GABRA1: variants seen among roughly 807,000 people sequenced by gnomAD.
GABRA1 encodes gamma-aminobutyric acid receptor subunit alpha-1.
A neutral mutation model predicts 48.9 loss-of-function variants in GABRA1; 9 were observed. The ratio of observed to expected loss-of-function variants is 0.18; its 90% CI spans 0.11 to 0.32. The LOEUF is 0.32. Ranked by LOEUF, GABRA1 falls within the 10% of genes least tolerant of loss-of-function variation. The probability of loss-of-function intolerance (pLI) is 1.00; values close to 1 mark genes in which losing one functional copy is unlikely to be tolerated. For synonymous variants in GABRA1, 210 were observed against 198.7 expected (o/e 1.06, Z -0.48); for missense variants, 285 against 553.8 (o/e 0.51, Z 4.87).
chr5:161,860,138 C>T (rs1191066699), intron 3 of GABRA1, among the ~76,000 whole-genome samples: 1 of 151,802 alleles, frequency 6.6e-6, no homozygotes, highest in Non-Finnish European at 1.5e-5. Flanking sequence ...ACAGAGAATA[C>T]CTTTTAACAT....
intron 3 of GABRA1, among the ~76,000 whole-genome samples, chr5:161,857,234 T>A (rs1186803138): frequency 2.6e-5 from 4 of 151,426 alleles, no homozygotes; most frequent in Admixed American, 2.6e-4. Flanking sequence ...TCTTTTTTTA[T>A]ATAAAAGTAA....
In GABRA1 at chr5:161,880,057, C is replaced by G. The variant is rs141481014; in HGVS notation, c.560-2501C>G. On this transcript the variant is annotated intron_variant, in intron 6 of 9. Coordinates refer to ENST00000393943, the MANE Select transcript of GABRA1 (RefSeq NM_001127644.2). The stretch of plus-strand genomic sequence containing the variant: ...CTTTGCTTGGCTTATGCAAACCTAT[C>G]TAATATACAGTTTTGCCTAGAAAAA... Among the ~76,000 whole-genome samples, 369 of 152,310 alleles carry G rather than the reference C, an allele frequency of 2.4e-3. 3 individuals carry two copies. Among genetic ancestry groups the G allele is most frequent in the African/African-American group, 8.3e-3 (344 of 41,586 alleles).
intron 3 of GABRA1, 40 bp downstream of exon 3, chr5:161,854,310 T>C: frequency 3.8e-6 from 4 of 1,039,644 alleles, no homozygotes; most frequent in Non-Finnish European, 6.1e-6. Flanking sequence ...GAGAATAATA[T>C]GAGATCTTTA....
At chr5:161,892,648 G>C (rs1038607683) in intron 8 of GABRA1, among the ~76,000 whole-genome samples, 17 of 151,456 alleles carry the variant, frequency 1.1e-4, no homozygotes, top group African/African-American at 4.1e-4. Flanking sequence ...GTATGAGTAT[G>C]CCTTTTTCTC....
At chr5:161,887,241 T>C (rs1176275979) in intron 7 of GABRA1, among the ~76,000 whole-genome samples, 1 of 152,120 alleles carries the variant, frequency 6.6e-6, no homozygotes, top group African/African-American at 2.4e-5. Flanking sequence ...GTATTCTCTT[T>C]TTTGGACACA....
chr5:161,860,521 C>T (rs532202445), intron 3 of GABRA1, among the ~76,000 whole-genome samples: 1 of 151,266 alleles, frequency 6.6e-6, no homozygotes. Context: ...TTAATGGGTA[C>T]AAAAGAAAGT....
intron 5 of GABRA1, 37 bp from the exon 6 acceptor site, chr5:161,875,523 T>C (rs1389878070): frequency 4.7e-6 from 7 of 1,499,992 alleles, no homozygotes; most frequent in Non-Finnish European, 6.5e-6. Flanking sequence ...GTATCTAATC[T>C]ATATGGCTCT....
intron 4 of GABRA1, among the ~76,000 whole-genome samples, chr5:161,868,578 G>C (rs1753976509): frequency 6.6e-6 from 1 of 152,034 alleles, no homozygotes; most frequent in South Asian, 2.1e-4. Flanking sequence ...ATCACACACT[G>C]ATGGCAATAC....
chr5:161,855,287 G>A (rs1757606188), intron 3 of GABRA1, among the ~76,000 whole-genome samples: 1 of 151,588 alleles, frequency 6.6e-6, no homozygotes, highest in Non-Finnish European at 1.5e-5. Context: ...TGGATTTACA[G>A]TTACTTTTAA....
intron 4 of GABRA1, among the ~76,000 whole-genome samples, chr5:161,872,498 T>C (rs1440263934): frequency 6.7e-6 from 1 of 150,276 alleles, no homozygotes; most frequent in Non-Finnish European, 1.5e-5. Flanking sequence ...TGAAAAGGAT[T>C]CAAATTACCA....
intron 4 of GABRA1, among the ~76,000 whole-genome samples, chr5:161,870,627 CAGACAGAAAGAA>C (rs1205291457): frequency 6.8e-6 from 1 of 147,256 alleles, no homozygotes; most frequent in African/African-American, 2.5e-5. Flanking sequence ...GAAAGACAGA[CAGACAGAAAGAA>C]AGAAAGAAAG....
chr5:161,886,450 G>A (rs1754852284), intron 7 of GABRA1, among the ~76,000 whole-genome samples: 2 of 151,644 alleles, frequency 1.3e-5, no homozygotes, highest in African/African-American at 2.4e-5. Context: ...TAAAATGTAT[G>A]CAGTAAGTGT....
intron 6 of GABRA1, among the ~76,000 whole-genome samples, chr5:161,877,731 G>A (rs986577465): frequency 6.6e-6 from 1 of 152,152 alleles, no homozygotes; most frequent in African/African-American, 2.4e-5. Context: ...TTAAGAAGAG[G>A]TAAATGTATA....
chr5:161,872,893 A>C (rs1435749775), intron 4 of GABRA1, among the ~76,000 whole-genome samples: 3 of 152,168 alleles, frequency 2.0e-5, no homozygotes. Flanking sequence ...TTCTGACCAA[A>C]AAATATGTCA....
At chr5:161,862,466 C>A (rs1411092966) in intron 3 of GABRA1, among the ~76,000 whole-genome samples, 1 of 151,742 alleles carries the variant, frequency 6.6e-6, no homozygotes, top group Admixed American at 6.6e-5. Context: ...TCTTTAAAGT[C>A]TCATTTCAAG....
At chr5:161,860,587 C>T (rs1348983041) in intron 3 of GABRA1, among the ~76,000 whole-genome samples, 1 of 151,702 alleles carries the variant, frequency 6.6e-6, no homozygotes, top group Non-Finnish European at 1.5e-5. Flanking sequence ...AACAGGGTGA[C>T]TATAATCAAT....
intron 6 of GABRA1, among the ~76,000 whole-genome samples, chr5:161,880,563 T>C (rs896850266): frequency 1.9e-4 from 29 of 152,206 alleles, no homozygotes; most frequent in African/African-American, 6.3e-4. Flanking sequence ...ATTTCGTACT[T>C]TTACATGTCC....
chr5:161,873,056 A>T, intron 4 of GABRA1, 61 bp from the exon 5 acceptor site: 2 of 1,272,866 alleles, frequency 1.6e-6, no homozygotes, highest in Non-Finnish European at 2.3e-6. Flanking sequence ...TGTCTGCGTT[A>T]GATATTTGCA....
intron 5 of GABRA1, among the ~76,000 whole-genome samples, chr5:161,874,966 C>A (rs1346082715): frequency 6.6e-6 from 1 of 152,014 alleles, no homozygotes; most frequent in African/African-American, 2.4e-5. Context: ...AGAGTCCTAG[C>A]TTCAATTAGA....
Sources: allele counts gnomAD v4.1 joint callset (sites outside exome capture counted in the v4.1 genomes callset), GRCh38; gene constraint gnomAD v4.1.1; transcripts MANE v1.5; gene names NCBI Gene and HGNC (gene_info 2026-07-23, HGNC 2026-07-21).